The following VTA1 variants were observed in gnomAD, a reference collection of about 807,000 sequenced individuals.
The protein encoded by VTA1 is vacuolar protein sorting-associated protein VTA1 homolog.
A neutral mutation model predicts 36.9 loss-of-function variants in VTA1; 24 were observed. The ratio of observed to expected loss-of-function variants is 0.65; its 90% CI spans 0.47 to 0.91. The LOEUF is 0.91. VTA1 is among the 40% of genes least tolerant of loss of function. The pLI is 0.00. For synonymous variants in VTA1, 142 were observed against 130.2 expected (o/e 1.09, Z -0.62); for missense variants, 393 against 377.2 (o/e 1.04, Z -0.35).
intron 6 of VTA1, among the ~76,000 whole-genome samples, chr6:142,201,997 T>C (rs556293816): frequency 6.6e-6 from 1 of 152,088 alleles, no homozygotes; most frequent in Admixed American, 6.5e-5. Flanking sequence ...ATGAATGACA[T>C]TGATCTATAG....
chr6:142,192,421 T>A (rs1389116498), intron 5 of VTA1, among the ~76,000 whole-genome samples: 1 of 152,088 alleles, frequency 6.6e-6, no homozygotes, highest in African/African-American at 2.4e-5. Context: ...CACCATCGTA[T>A]GTTGATGAGC....
At chr6:142,211,646 G>T (rs987743302) in intron 7 of VTA1, among the ~76,000 whole-genome samples, 4 of 150,866 alleles carry the variant, frequency 2.7e-5, no homozygotes, top group African/African-American at 9.8e-5. Flanking sequence ...GGGAGGCAGA[G>T]CTTGCAGTGA....
intron 6 of VTA1, 21 bp downstream of exon 6, chr6:142,198,636 G>A (rs778711644): frequency 6.3e-7 from 1 of 1,581,074 alleles, no homozygotes; most frequent in Non-Finnish European, 8.6e-7. Flanking sequence ...GTAACTGAAT[G>A]ATTTATTTAA....
In VTA1 at chr6:142,220,778, CAGT is replaced by C. The variant is rs929563683; in HGVS notation, c.*2138_*2140del. ...AATTAGGAGATGTGTTCTGATGTAA[CAGT>C]AGGATTAGCAATTTTCATTTATTCC... On this transcript the variant is annotated 3_prime_UTR_variant, in exon 8 of 8. Coordinates refer to ENST00000367630, the MANE Select transcript of VTA1 (RefSeq NM_016485.5). The C allele has an allele frequency of 2.0e-5, 3 of 151,856 alleles. No homozygotes were observed. The highest frequency in any genetic ancestry group is 7.3e-5 in the African/African-American group (3 of 41,320). The allele number at this position is 151,856 out of a possible 1,614,324, so 9.4% of individuals were successfully genotyped here.
intron 5 of VTA1, among the ~76,000 whole-genome samples, chr6:142,190,311 A>AT (rs1441169724): frequency 3.3e-5 from 5 of 152,114 alleles, no homozygotes; most frequent in African/African-American, 1.2e-4. Context: ...TCAAGTAAGC[A>AT]TTTTTAGTTT....
intron 4 of VTA1, among the ~76,000 whole-genome samples, chr6:142,183,650 T>A (rs891630337): frequency 2.6e-5 from 4 of 152,146 alleles, no homozygotes; most frequent in African/African-American, 9.7e-5. Flanking sequence ...CCAAAAGGAG[T>A]TAATGAATTT....
chr6:142,204,294 G>A (rs1775744788), intron 7 of VTA1, among the ~76,000 whole-genome samples: 1 of 152,082 alleles, frequency 6.6e-6, no homozygotes, highest in African/African-American at 2.4e-5. Context: ...TTTTGTTACA[G>A]TTCTTTTTTT....
intron 5 of VTA1, among the ~76,000 whole-genome samples, chr6:142,191,653 A>G (rs1486071662): frequency 1.3e-5 from 2 of 152,088 alleles, no homozygotes; most frequent in Admixed American, 6.5e-5. Context: ...TAAATCCTCT[A>G]CAATATAAAG....
At chr6:142,211,584 G>A (rs1258114961) in intron 7 of VTA1, among the ~76,000 whole-genome samples, 6 of 151,938 alleles carry the variant, frequency 3.9e-5, no homozygotes, top group South Asian at 2.1e-4. Flanking sequence ...GGTGGCAGGC[G>A]CCTCTAATCC....
chr6:142,178,016 A>G lies in VTA1; in HGVS notation c.411+7595A>G, dbSNP rs1273203589. 2.6e-5 allele frequency among the ~76,000 whole-genome samples: 4 copies of G among 152,314 alleles called. No homozygotes were observed. In the East Asian group the frequency reaches 5.8e-4, roughly 22 times the overall value. On this transcript the variant is annotated intron_variant, in intron 4 of 7. Transcript: ENST00000367630. ...GTACAAAGAAAACGAGTACAAAAAG[A>G]TATCTGAAGAAATAATGACCACAGA...
At chr6:142,156,985 G>A (rs1326818192) in intron 1 of VTA1, among the ~76,000 whole-genome samples, 3 of 152,134 alleles carry the variant, frequency 2.0e-5, no homozygotes, top group African/African-American at 4.8e-5. Flanking sequence ...GGCCAATATG[G>A]TGAAACCCTG....
chr6:142,150,180 T>A (rs1778540680), intron 1 of VTA1, among the ~76,000 whole-genome samples: 1 of 152,238 alleles, frequency 6.6e-6, no homozygotes, highest in African/African-American at 2.4e-5. Context: ...ATATATGGAT[T>A]TATGTTTGCT....
chr6:142,181,964 A>G lies in VTA1; in HGVS notation c.412-7462A>G, dbSNP rs531956697. Among the ~76,000 whole-genome samples, 4 of 152,350 alleles carry G rather than the reference A, an allele frequency of 2.6e-5. No individual in the cohort carries two copies. The South Asian group carries it at 6.2e-4, about 24-fold the overall frequency. On this transcript the variant is annotated intron_variant, in intron 4 of 7. Coordinates refer to ENST00000367630, the MANE Select transcript of VTA1 (RefSeq NM_016485.5). ...GTAATTTTGATAATAAATTTGTTTAATATGTTTTTCAAGCATTTCTCATTA... is the reference window on the plus strand; with the variant it reads ...GTAATTTTGATAATAAATTTGTTTAGTATGTTTTTCAAGCATTTCTCATTA...
intron 1 of VTA1, among the ~76,000 whole-genome samples, chr6:142,158,453 T>A (rs911622691): frequency 3.3e-5 from 5 of 152,156 alleles, no homozygotes; most frequent in Non-Finnish European, 5.9e-5. Flanking sequence ...TTTTCTATTT[T>A]TATGTGACTA....
At chr6:142,190,917 G>A (rs1582894338) in intron 5 of VTA1, among the ~76,000 whole-genome samples, 1 of 152,148 alleles carries the variant, frequency 6.6e-6, no homozygotes, top group East Asian at 1.9e-4. Flanking sequence ...ACTGGCCATA[G>A]TTGGCCAACC....
intron 4 of VTA1, among the ~76,000 whole-genome samples, chr6:142,175,888 A>C (rs1775113961): frequency 6.6e-6 from 1 of 151,212 alleles, no homozygotes; most frequent in African/African-American, 2.4e-5. Flanking sequence ...GTCTGCCACT[A>C]TTCTATTTCT....
chr6:142,190,435 TG>T (rs1185662769), intron 5 of VTA1, among the ~76,000 whole-genome samples: 1 of 152,200 alleles, frequency 6.6e-6, no homozygotes, highest in African/African-American at 2.4e-5. Flanking sequence ...TACCTGGCTA[TG>T]TTTTTTTTTA....
chr6:142,181,376 G>A (rs1319504684), intron 4 of VTA1, among the ~76,000 whole-genome samples: 3 of 147,854 alleles, frequency 2.0e-5, no homozygotes, highest in Non-Finnish European at 4.5e-5. Context: ...CTCGTGATCC[G>A]CCTTCCTCGG....
intron 7 of VTA1, among the ~76,000 whole-genome samples, chr6:142,204,700 A>T (rs1165695735): frequency 2.8e-5 from 1 of 35,330 alleles, no homozygotes; most frequent in Non-Finnish European, 4.9e-5. Flanking sequence ...ATTTAAAAGG[A>T]TTTAAATTTA....
Sources: gnomAD v4.1 joint callset for allele counts (sites outside exome capture counted in the v4.1 genomes callset) on GRCh38, gnomAD v4.1.1 for gene constraint, MANE v1.5 for transcripts, NCBI Gene and HGNC (gene_info 2026-07-23, HGNC 2026-07-21) for gene names.